Variants in MEGF8 observed in about 807,000 individuals in gnomAD.
MEGF8 encodes multiple epidermal growth factor-like domains protein 8.
A neutral mutation model predicts 302.9 loss-of-function variants in MEGF8; 156 were observed. The observed-to-expected ratio is 0.52, with a 90% CI of 0.45 to 0.59. The LOEUF is 0.59. MEGF8 is among the 20% of genes least tolerant of loss of function. The pLI is 0.00. For missense variants in MEGF8, 3,345 were observed against 3,964.5 expected (o/e 0.84, Z 4.20); for synonymous variants, 1,621 against 1,660.5 (o/e 0.98, Z 0.58).
In MEGF8 at chr19:42,368,548, C is replaced by A; in HGVS notation, c.6367C>A (p.Gln2123Lys). 1.2e-6 allele frequency: 2 copies of A among 1,600,882 alleles called. No homozygotes were observed. The highest frequency in any genetic ancestry group is 1.7e-6 in the Non-Finnish European group (2 of 1,174,548). Residue 2123 changes from glutamine to lysine, a missense_variant, in exon 36 of 42, where the codon CAG (glutamine) becomes AAG (lysine). By Grantham distance (53) the Gln-to-Lys change is moderately conservative. Transcript: ENST00000251268. This position sits in a 1 kb window ranked among gnomAD's most constrained non-coding sequence, Gnocchi z 4.9. ...GPESCSLGCA[Q>K]ATQCALCLRR... ...TGAGAGCTGCTCCCTGGGCTGTGCT[C>A]AGGCAACTCAGTGCGCCTTGTGCCT...
Position 42,377,073 on chromosome 19 carries a change from C to T in MEGF8, c.*298C>T. 2.6e-6 allele frequency: 1 copy of T among 383,984 alleles called. No homozygotes were observed. The highest frequency in any genetic ancestry group is 4.6e-6 in the Non-Finnish European group (1 of 215,970). The allele number at this position is 383,984 out of a possible 1,614,324, so 23.8% of individuals were successfully genotyped here. A position where few individuals can be genotyped will look rare whatever the true frequency, so the allele number is the denominator to read the frequency against. On this transcript the variant is annotated 3_prime_UTR_variant, in exon 42 of 42. Transcript: ENST00000251268. ...AGACAATCAGTGCACATGCACACAC[C>T]CCACACGCATACACACATGAACACA...
In MEGF8 at chr19:42,368,576, G is replaced by T; in HGVS notation, c.6395G>T (p.Arg2132Leu). The T allele has an allele frequency of 6.3e-7, 1 of 1,586,598 alleles. No homozygotes were observed. Among genetic ancestry groups the T allele is most frequent in the Non-Finnish European group, 8.6e-7 (1 of 1,167,046 alleles). The change falls in exon 36 of 42, where the codon CGG becomes CTG. Residue 2132 changes from arginine (R) to leucine (L), a missense_variant. Coordinates refer to ENST00000251268, the MANE Select transcript of MEGF8 (RefSeq NM_001271938.2). This position sits in a 1 kb window ranked among gnomAD's most constrained non-coding sequence, Gnocchi z 4.9. ...GCAACTCAGTGCGCCTTGTGCCTGC[G>T]GCGCCCCCATTGCGGCTGGTGTGCC... ...AQATQCALCLRRPHCGWCAWG... is the reference protein window; with the variant it reads ...AQATQCALCLLRPHCGWCAWG...
Position 42,355,840 on chromosome 19 carries a change from A to C in MEGF8, c.4227A>C (p.Ser1409=), listed in dbSNP as rs2039443446. The stretch of plus-strand genomic sequence containing the variant: ...CGGTGGGCTCTGCCCGCTGTGGGTC[A>C]GGGGGCCCCGGGAGCTGTCCCGTCC... The part of the protein sequence containing the change: ...NASVGSARCG[S]GGPGSCPVPQ... Residue 1409 remains serine, a synonymous_variant, in exon 24 of 42, where the codon TCA becomes TCC. Coordinates refer to ENST00000251268, the MANE Select transcript of MEGF8 (RefSeq NM_001271938.2). The C allele has an allele frequency of 6.4e-7, 1 of 1,568,896 alleles. No individual in the cohort carries two copies. Among genetic ancestry groups the C allele is most frequent in the Non-Finnish European group, 8.6e-7 (1 of 1,156,806 alleles).
At chr19:42,361,114 G>C (rs887406461) in intron 32 of MEGF8, 108 bp downstream of exon 32, 4 of 1,193,372 alleles carry the variant, frequency 3.4e-6, no homozygotes, top group Non-Finnish European at 4.5e-6. Context: ...TCTGGTTCAG[G>C]AAAGGGGTGA....
chr19:42,348,196 C>A, intron 12 of MEGF8, 76 bp from the exon 13 acceptor site: 2 of 1,346,544 alleles, frequency 1.5e-6, no homozygotes, highest in South Asian at 1.4e-5. Flanking sequence ...GTTGGGTTGA[C>A]CAGTCTTTTC....
At position 42,336,663 on chromosome 19, in the gene MEGF8, C is replaced by A; in HGVS notation, c.1245-144C>A. 7.9e-7 allele frequency: 1 copy of A among 1,264,800 alleles called. No individual in the cohort carries two copies. Among genetic ancestry groups the A allele is most frequent in the Non-Finnish European group, 1.1e-6 (1 of 932,160 alleles). 78.3% of individuals were successfully genotyped at this position (1,264,800 alleles called of 1,614,324 possible). On this transcript the variant is annotated intron_variant, in intron 6 of 41. Coordinates refer to ENST00000251268, the MANE Select transcript of MEGF8 (RefSeq NM_001271938.2). This position sits in a 1 kb window ranked among gnomAD's most constrained non-coding sequence, Gnocchi z 4.8. ...ACTCAGAGATGACTCAGGGTCCTGC[C>A]CACAGGGAACTTCTAGTTTGGAGGG...
Position 42,336,965 on chromosome 19 carries a change from C to G in MEGF8, c.1390+13C>G, listed in dbSNP as rs1278120778. 4 of 1,613,756 alleles carry G rather than the reference C, an allele frequency of 2.5e-6. No individual in the cohort carries two copies. The highest frequency in any genetic ancestry group is 3.4e-6 in the Non-Finnish European group (4 of 1,179,810). ...ATGGTGGTCTATGGTGAGGAGGCTC[C>G]CCAATCCTGCCTGCCTGCCTGCTGA... is the stretch of plus-strand genomic sequence containing the variant. On this transcript the variant is annotated intron_variant, in intron 7 of 41. Transcript: ENST00000251268. This position sits in a 1 kb window ranked among gnomAD's most constrained non-coding sequence, Gnocchi z 4.8.
At chr19:42,328,279 G>A (rs1260183114) in intron 1 of MEGF8, among the ~76,000 whole-genome samples, 1 of 152,268 alleles carries the variant, frequency 6.6e-6, no homozygotes, top group East Asian at 1.9e-4. Context: ...GTAAAAGCTG[G>A]CCTCCAGACA....
chr19:42,339,065 C>G (rs1287896976), intron 8 of MEGF8, among the ~76,000 whole-genome samples: 1 of 152,012 alleles, frequency 6.6e-6, no homozygotes, highest in African/African-American at 2.4e-5. Flanking sequence ...AACTCCTGAC[C>G]TCAGGTGATC....
Position 42,333,788 on chromosome 19 carries a change from T to C in MEGF8, c.351+20T>C, listed in dbSNP as rs759286908. Reference sequence around the variant, plus strand: ...GGCAAGGTTAGTGGGGATGGGGCCGTGGCAGATACACCGAGGGAAATGGAA... The same window carrying C: ...GGCAAGGTTAGTGGGGATGGGGCCGCGGCAGATACACCGAGGGAAATGGAA... On this transcript the variant is annotated intron_variant, in intron 2 of 41. Transcript: ENST00000251268. The C allele has an allele frequency of 1.6e-4, 260 of 1,611,200 alleles. No individual in the cohort carries two copies. The highest frequency in any genetic ancestry group is 2.2e-4 in the Non-Finnish European group (255 of 1,178,112).
chr19:42,336,247 C>T lies in MEGF8; in HGVS notation c.1145C>T (p.Ala382Val). Residue 382 changes from alanine to valine, a missense_variant, in exon 6 of 42, where the codon GCA becomes GTA. Physicochemically the swap from Ala to Val is moderately conservative, Grantham distance 64. Coordinates refer to ENST00000251268, the MANE Select transcript of MEGF8 (RefSeq NM_001271938.2). This position sits in a 1 kb window ranked among gnomAD's most constrained non-coding sequence, Gnocchi z 4.8. Reference sequence around the variant, plus strand: ...GGCTATTGGGAGCAGGTGATTCCGGCAGGCGGACGGCCCCCTGCTGCCACT... The same window carrying T: ...GGCTATTGGGAGCAGGTGATTCCGGTAGGCGGACGGCCCCCTGCTGCCACT... The part of the protein sequence containing the change: ...SGGYWEQVIP[A>V]GGRPPAATGH... 6.2e-7 allele frequency: 1 copy of T among 1,607,536 alleles called. No homozygotes were observed.
chr19:42,356,430 G>A lies in MEGF8; in HGVS notation c.4599G>A (p.Gln1533=), dbSNP rs2039454013. 2 of 1,606,816 alleles carry A rather than the reference G, an allele frequency of 1.2e-6. No homozygotes were observed. The highest frequency in any genetic ancestry group is 2.7e-5 in the African/African-American group (2 of 74,816). ...LWMFGGLGLP[Q]GLLGNLYRYS... is the part of the protein sequence containing the mutation. ...TGTTTGGGGGCCTGGGCCTGCCCCA[G>A]GGGCTGCTGGGAAACCTGTACAGGT... The change falls in exon 26 of 42, where the codon CAG becomes CAA. Residue 1533 remains glutamine (Q), a synonymous_variant. Transcript: ENST00000251268. The surrounding 1 kb of genome is among the most constrained non-coding windows in gnomAD (Gnocchi z 5.2).
In MEGF8 at chr19:42,357,285, G is replaced by C. The variant is rs2039465994; in HGVS notation, c.4831-119G>C. 7.8e-7 allele frequency: 1 copy of C among 1,280,138 alleles called. No homozygotes were observed. The highest frequency in any genetic ancestry group is 2.3e-5 in the East Asian group (1 of 42,616). The allele number at this position is 1,280,138 out of a possible 1,614,324, so 79.3% of individuals were successfully genotyped here. On this transcript the variant is annotated intron_variant, in intron 27 of 41. Transcript: ENST00000251268. This position sits in a 1 kb window ranked among gnomAD's most constrained non-coding sequence, Gnocchi z 5.2. ...CCCAGGCTGGTCCGACTGGCCCTGGGGGGGTCATTCCCTCCTTAGTACTTC... is the reference window on the plus strand; with the variant it reads ...CCCAGGCTGGTCCGACTGGCCCTGGCGGGGTCATTCCCTCCTTAGTACTTC...
In MEGF8 at chr19:42,358,787, C is replaced by A; in HGVS notation, c.5176C>A (p.Arg1726=). The A allele has an allele frequency of 3.2e-6, 5 of 1,540,652 alleles. No homozygotes were observed. Among genetic ancestry groups the A allele is most frequent in the Non-Finnish European group, 3.5e-6 (4 of 1,144,362 alleles). The part of the protein sequence containing the change: ...SLLAPSQGAK[R]DRMRNVRGSS... ...CCCAGGACGCCCCCACTGTCACTAG[C>A]GAGATCGTATGAGGAATGTGCGTGG... The change falls in exon 30 of 42, where the codon CGA becomes AGA. Residue 1726 remains arginine, a splice_region_variant and synonymous_variant. Transcript: ENST00000251268. This position sits in a 1 kb window ranked among gnomAD's most constrained non-coding sequence, Gnocchi z 4.4.
intron 8 of MEGF8, among the ~76,000 whole-genome samples, chr19:42,342,010 C>A (rs974099335): frequency 2.0e-5 from 3 of 152,138 alleles, no homozygotes; most frequent in African/African-American, 7.2e-5. Context: ...AAGGAAGGAA[C>A]CTTAGCACTT....
At chr19:42,337,596 C>A (rs182376003) in intron 8 of MEGF8, among the ~76,000 whole-genome samples, 3 of 151,596 alleles carry the variant, frequency 2.0e-5, no homozygotes, top group South Asian at 2.1e-4. Context: ...GGCTCCACCC[C>A]CCGGGTTTCA....
Position 42,353,019 on chromosome 19 carries a change from C to G in MEGF8, c.3442C>G (p.Pro1148Ala). The change falls in exon 20 of 42, where the codon CCC (proline) becomes GCC (alanine). Residue 1148 changes from proline to alanine, a missense_variant. By Grantham distance (27) the Pro-to-Ala change is conservative. Coordinates refer to ENST00000251268, the MANE Select transcript of MEGF8 (RefSeq NM_001271938.2). The surrounding 1 kb of genome is among the most constrained non-coding windows in gnomAD (Gnocchi z 6.1). ...DLGWTSDLPP[P>A]TPAPGPPAPR... ...AGGCTGGACATCAGACCTGCCCCCT[C>G]CCACACCCGCCCCGGGTCCGCCAGC... 1.3e-6 allele frequency: 2 copies of G among 1,560,238 alleles called. No individual in the cohort carries two copies. Among genetic ancestry groups the G allele is most frequent in the Non-Finnish European group, 1.7e-6 (2 of 1,152,362 alleles).
rs1432112611 is a variant in MEGF8 at position 42,336,488 on chromosome 19, C to T, written c.1244+142C>T. 1 of 912,012 alleles carries T rather than the reference C, an allele frequency of 1.1e-6. No individual in the cohort carries two copies. The highest frequency in any genetic ancestry group is 1.6e-6 in the Non-Finnish European group (1 of 625,762). The allele number at this position is 912,012 out of a possible 1,614,324, so 56.5% of individuals were successfully genotyped here. A position where few individuals can be genotyped will look rare whatever the true frequency, so the allele number is the denominator to read the frequency against. On this transcript the variant is annotated intron_variant, in intron 6 of 41. Transcript: ENST00000251268. The surrounding 1 kb of genome is among the most constrained non-coding windows in gnomAD (Gnocchi z 4.8). The stretch of plus-strand genomic sequence containing the variant: ...CCTTCCTTCATGTATTTACTTATTC[C>T]TTCGTTCACTCATTCATTCATTCAC...
chr19:42,359,053 CT>C, intron 30 of MEGF8, 44 bp from the exon 31 acceptor site: 1 of 1,527,086 alleles, frequency 6.5e-7, no homozygotes, highest in Non-Finnish European at 8.8e-7. Flanking sequence ...CAGAGGACAG[CT>C]CTGACAGGCT....
Sources: allele counts gnomAD v4.1 joint callset (sites outside exome capture counted in the v4.1 genomes callset), GRCh38; gene constraint gnomAD v4.1.1; non-coding constraint Gnocchi (gnomAD v3.1); transcripts MANE v1.5; gene names NCBI Gene and HGNC (gene_info 2026-07-23, HGNC 2026-07-21).